The following ZFYVE27 variants were observed in gnomAD, a reference collection of about 807,000 sequenced individuals.
ZFYVE27 encodes the protein protrudin.
In ZFYVE27, 36 loss-of-function variants were observed where a neutral mutation model predicts 52.8. That is an observed-to-expected ratio of 0.68 (90% confidence interval 0.52 to 0.90). The LOEUF is 0.90. Ranked by LOEUF, ZFYVE27 falls within the 40% of genes least tolerant of loss-of-function variation. ZFYVE27 has a pLI of 0.00. For synonymous variants in ZFYVE27, 223 were observed against 215.6 expected (o/e 1.03, Z -0.30); for missense variants, 450 against 527.2 (o/e 0.85, Z 1.43).
intron 7 of ZFYVE27, among the ~76,000 whole-genome samples, chr10:97,750,976 C>CA (rs2046824423): frequency 1.3e-5 from 2 of 152,170 alleles, no homozygotes; most frequent in Admixed American, 1.3e-4. Flanking sequence ...CTCCTGGGCT[C>CA]AAGTGATGTG....
chr10:97,749,322 G>C, intron 5 of ZFYVE27, 152 bp from the exon 6 acceptor site: 2 of 703,206 alleles, frequency 2.8e-6, no homozygotes, highest in Non-Finnish European at 5.2e-6. Context: ...AGTCTTCATC[G>C]CCATTTTCCG....
chr10:97,757,155 C>A, intron 10 of ZFYVE27, 110 bp from the exon 11 acceptor site: 1 of 1,518,546 alleles, frequency 6.6e-7, no homozygotes, highest in South Asian at 1.1e-5. Context: ...CTGTGTCCAG[C>A]CAAGGAGGCT....
Position 97,749,716 on chromosome 10 carries a change from G to C in ZFYVE27, c.664+130G>C, listed in dbSNP as rs2046417686. The C allele has an allele frequency of 3.7e-5, 28 of 758,886 alleles. 1 individual carries two copies. In the South Asian group the frequency reaches 3.9e-4, roughly 10 times the overall value. The allele number at this position is 758,886 out of a possible 1,614,324, so 47.0% of individuals were successfully genotyped here. ...TTCCACAAGTGCAACACCACACTGG[G>C]GTCCTCTCTCATGGGCTCTGCATCT... On this transcript the variant is annotated intron_variant, in intron 6 of 12. Coordinates refer to ENST00000684270, the MANE Select transcript of ZFYVE27 (RefSeq NM_001385875.1).
chr10:97,757,513 C>G (rs911083520), intron 11 of ZFYVE27, 129 bp from the exon 12 acceptor site: 3 of 1,290,830 alleles, frequency 2.3e-6, no homozygotes, highest in Admixed American at 3.4e-5. Context: ...GCTCTCTTTC[C>G]TGCTCCACTT....
At chr10:97,746,365 TAAAG>T (rs2045422731) in intron 4 of ZFYVE27, among the ~76,000 whole-genome samples, 1 of 152,178 alleles carries the variant, frequency 6.6e-6, no homozygotes, top group African/African-American at 2.4e-5. Context: ...GTTTTAAACT[TAAAG>T]AAGTACAGGA....
intron 6 of ZFYVE27, among the ~76,000 whole-genome samples, chr10:97,749,855 G>A (rs2046464964): frequency 6.6e-6 from 1 of 152,196 alleles, no homozygotes; most frequent in Non-Finnish European, 1.5e-5. Context: ...TGATATGATG[G>A]CTTCTGGAAG....
chr10:97,757,809 G>T, intron 12 of ZFYVE27, 86 bp downstream of exon 12: 1 of 1,396,006 alleles, frequency 7.2e-7, no homozygotes. Context: ...GGTGTCAGAG[G>T]TCAAGGGAAC....
intron 12 of ZFYVE27, 162 bp downstream of exon 12, chr10:97,757,885 T>C (rs2048790214): frequency 3.2e-6 from 2 of 634,842 alleles, no homozygotes; most frequent in Non-Finnish European, 5.6e-6. Context: ...CTGAAACATT[T>C]GGTACATGCC....
At chr10:97,754,924 T>G in intron 10 of ZFYVE27, 1 of 822,946 alleles carries the variant, frequency 1.2e-6, no homozygotes, top group Non-Finnish European at 1.5e-6. Context: ...GCCCAGAGAC[T>G]TTGGCCTGGA....
rs1198319705 is a variant in ZFYVE27, at chr10:97,760,353, A to C, written c.*1053A>C. ...GTCTCCATTTCTTTCCAACAGTTTC[A>C]TGTTCACTACTGGACTCTTACGGGC... On this transcript the variant is annotated 3_prime_UTR_variant, in exon 13 of 13. Transcript: ENST00000684270. 5 of 152,098 alleles carry C rather than the reference A, an allele frequency of 3.3e-5. No homozygotes were observed. The highest frequency in any genetic ancestry group is 4.8e-5 in the African/African-American group (2 of 41,414). The allele number at this position is 152,098 out of a possible 1,614,324, so 9.4% of individuals were successfully genotyped here.
At chr10:97,757,053 T>C in intron 10 of ZFYVE27, 1 of 603,166 alleles carries the variant, frequency 1.7e-6, no homozygotes, top group East Asian at 2.9e-5. Flanking sequence ...GGTAGCTATG[T>C]ATGGCTGGAG....
intron 10 of ZFYVE27, 144 bp downstream of exon 10, chr10:97,753,326 GCGGGACCC>G: frequency 7.6e-7 from 1 of 1,312,010 alleles, no homozygotes; most frequent in South Asian, 1.5e-5. Flanking sequence ...AGGTGTGTCC[GCGGGACCC>G]CGGGGAGCTA....
Position 97,749,477 on chromosome 10 carries a change from C to T in ZFYVE27, c.555C>T (p.Phe185=), listed in dbSNP as rs2136177107. Residue 185 remains phenylalanine (F), a synonymous_variant, in exon 6 of 13, where the codon TTC becomes TTT. Transcript: ENST00000684270. The part of the protein sequence containing the change: ...HWENPVVSSQ[F]YGALLGTVCM... ...GTGGTTCTTCCCTGTCATCCAGGTT[C>T]TATGGGGCTCTTCTGGGCACAGTCT... The T allele has an allele frequency of 3.7e-6, 6 of 1,613,804 alleles. No homozygotes were observed. Among genetic ancestry groups the T allele is most frequent in the Non-Finnish European group, 5.1e-6 (6 of 1,179,682 alleles).
intron 7 of ZFYVE27, among the ~76,000 whole-genome samples, chr10:97,750,681 G>A (rs115320468): frequency 0.027 from 4,074 of 152,038 alleles, 118 homozygotes; most frequent in African/African-American, 0.074. Flanking sequence ...GCTGCTCCAA[G>A]TGCTTTATAG....
chr10:97,755,390 A>G (rs1229788801), intron 10 of ZFYVE27, among the ~76,000 whole-genome samples: 1 of 152,202 alleles, frequency 6.6e-6, no homozygotes, highest in Non-Finnish European at 1.5e-5. Context: ...AAATAATGGA[A>G]ATCTCTCATC....
chr10:97,741,987 G>A (rs2043791969), intron 2 of ZFYVE27, among the ~76,000 whole-genome samples: 1 of 152,020 alleles, frequency 6.6e-6, no homozygotes, highest in South Asian at 2.1e-4. Flanking sequence ...ACAAAAACTG[G>A]CCAGGTGTGG....
At chr10:97,755,482 A>G (rs1298912964) in intron 10 of ZFYVE27, among the ~76,000 whole-genome samples, 1 of 152,232 alleles carries the variant, frequency 6.6e-6, no homozygotes, top group African/African-American at 2.4e-5. Context: ...CGTCATAGAC[A>G]GCACCTTCTC....
intron 6 of ZFYVE27, 117 bp from the exon 7 acceptor site, chr10:97,750,214 A>G: frequency 1.5e-6 from 2 of 1,337,096 alleles, no homozygotes; most frequent in Admixed American, 1.7e-5. Context: ...TAGGAGGGTG[A>G]CTCTTTCCTG....
At chr10:97,751,066 T>C (rs543880703) in intron 7 of ZFYVE27, among the ~76,000 whole-genome samples, 3 of 152,312 alleles carry the variant, frequency 2.0e-5, no homozygotes, top group Admixed American at 6.5e-5. Flanking sequence ...AAAGAGATCA[T>C]TCTCATTTGT....
Sources: gnomAD v4.1 joint callset for allele counts (sites outside exome capture counted in the v4.1 genomes callset) on GRCh38, gnomAD v4.1.1 for gene constraint, MANE v1.5 for transcripts, NCBI Gene and HGNC (gene_info 2026-07-23, HGNC 2026-07-21) for gene names.